DLG2: variants seen among roughly 807,000 people sequenced by gnomAD.
DLG2 encodes disks large homolog 2.
In DLG2, 45 loss-of-function variants were observed where a neutral mutation model predicts 132.5. The ratio of observed to expected loss-of-function variants is 0.34; its 90% confidence interval spans 0.27 to 0.44. The LOEUF is 0.44. Among genes scored for constraint, DLG2 ranks in the 20% least tolerant of loss-of-function variants. DLG2 has a pLI of 1.00. For missense variants in DLG2, 1,045 were observed against 1,196.9 expected (o/e 0.87, Z 1.87); for synonymous variants, 424 against 419.6 (o/e 1.01, Z -0.13).
At chr11:84,059,197 A>G (rs1462768638) in intron 11 of DLG2, 118 bp downstream of exon 11, 1 of 966,618 alleles carries the variant, frequency 1.0e-6, no homozygotes, top group African/African-American at 1.7e-5. Flanking sequence ...AGGATTTTAA[A>G]TCTCTTGGTA....
intron 4 of DLG2, among the ~76,000 whole-genome samples, chr11:85,271,343 A>C (rs1388707419): frequency 6.6e-6 from 1 of 152,254 alleles, no homozygotes; most frequent in Non-Finnish European, 1.5e-5. Context: ...CTGAATGCCC[A>C]GGCAAAAGTT....
At chr11:83,995,727 G>A (rs930753833) in intron 11 of DLG2, among the ~76,000 whole-genome samples, 1 of 152,132 alleles carries the variant, frequency 6.6e-6, no homozygotes, top group Admixed American at 6.6e-5. Context: ...CTGGTGAAAA[G>A]ACAGTCTCTT....
At chr11:83,543,036 T>A (rs1435396274) in intron 19 of DLG2, among the ~76,000 whole-genome samples, 1 of 152,144 alleles carries the variant, frequency 6.6e-6, no homozygotes, top group Non-Finnish European at 1.5e-5. Context: ...CAAAGAAATG[T>A]CACATCTGCT....
At position 85,499,419 on chromosome 11, in the gene DLG2, C is replaced by G. The variant is rs572086551; in HGVS notation, c.40+99238G>C. On this transcript the variant is annotated intron_variant, in intron 3 of 27. Transcript: ENST00000376104. ...GGAAGAAGTTTAATCTCTGAATAGA[C>G]CAATAATAGGTTCTGAAATTGAAAC... is the stretch of plus-strand genomic sequence containing the variant. Among the ~76,000 whole-genome samples the G allele has an allele frequency of 4.9e-4, 74 of 152,194 alleles. 2 individuals are homozygous for G. The highest frequency in any genetic ancestry group is 1.6e-3 in the African/African-American group (68 of 41,518).
chr11:83,850,122 A>AAG (rs1282687444), intron 16 of DLG2, among the ~76,000 whole-genome samples: 9 of 63,114 alleles, frequency 1.4e-4, no homozygotes, highest in African/African-American at 4.8e-4. Flanking sequence ...CATTTGGGGT[A>AAG]AGTGTGTGTG....
chr11:84,326,671 C>T (rs768725529), intron 7 of DLG2, among the ~76,000 whole-genome samples: 6 of 152,234 alleles, frequency 3.9e-5, no homozygotes, highest in Middle Eastern at 3.4e-3. Flanking sequence ...GTTCCATGTG[C>T]GCTTCAGAAT....
intron 6 of DLG2, among the ~76,000 whole-genome samples, chr11:84,611,412 T>C (rs1365171761): frequency 6.6e-6 from 1 of 152,056 alleles, no homozygotes; most frequent in African/African-American, 2.4e-5. Flanking sequence ...TATTGAACAA[T>C]ATGGTTAACA....
At chr11:84,592,913 C>T (rs1323982866) in intron 6 of DLG2, among the ~76,000 whole-genome samples, 8 of 111,326 alleles carry the variant, frequency 7.2e-5, no homozygotes, top group African/African-American at 1.1e-4. Flanking sequence ...CTGGCTAACA[C>T]GGTGAAACCC....
chr11:83,983,416 T>C (rs1223631276), intron 11 of DLG2, among the ~76,000 whole-genome samples: 1 of 152,024 alleles, frequency 6.6e-6, no homozygotes, highest in Non-Finnish European at 1.5e-5. Flanking sequence ...TGGCATTTTA[T>C]ACAACAATAA....
chr11:85,034,517 CAG>C (rs2061294539), intron 6 of DLG2, among the ~76,000 whole-genome samples: 1 of 152,090 alleles, frequency 6.6e-6, no homozygotes, highest in Admixed American at 6.5e-5. Context: ...CGTGAAGTAA[CAG>C]GAGAAATAAG....
At chr11:83,597,825 A>C (rs2153360326) in intron 19 of DLG2, among the ~76,000 whole-genome samples, 1 of 152,212 alleles carries the variant, frequency 6.6e-6, no homozygotes, top group South Asian at 2.1e-4. Flanking sequence ...AAACACAAAA[A>C]CCAAAACTGG....
chr11:85,578,713 C>T (rs1293665342), intron 3 of DLG2, among the ~76,000 whole-genome samples: 5 of 151,964 alleles, frequency 3.3e-5, no homozygotes, highest in African/African-American at 1.2e-4. Context: ...ATGGCAATTA[C>T]TACAAAGTGT....
intron 19 of DLG2, among the ~76,000 whole-genome samples, chr11:83,593,804 T>G (rs981952269): frequency 1.3e-5 from 2 of 150,484 alleles, no homozygotes; most frequent in African/African-American, 4.9e-5. Flanking sequence ...AAGGATAAAA[T>G]TATAATATTC....
At chr11:83,486,370 A>ATTTTCAT (rs2093506059) in intron 21 of DLG2, 1 of 569,346 alleles carries the variant, frequency 1.8e-6, no homozygotes, top group Non-Finnish European at 3.1e-6. Flanking sequence ...AAAATTACAC[A>ATTTTCAT]TTTTCATGCA....
At chr11:84,590,628 A>G (rs537646519) in intron 6 of DLG2, among the ~76,000 whole-genome samples, 17 of 152,244 alleles carry the variant, frequency 1.1e-4, no homozygotes, top group African/African-American at 4.1e-4. Context: ...TCCAAACACT[A>G]TGATTTAAGT....
intron 3 of DLG2, among the ~76,000 whole-genome samples, chr11:85,460,623 T>C (rs2092576500): frequency 6.6e-6 from 1 of 152,222 alleles, no homozygotes; most frequent in Non-Finnish European, 1.5e-5. Flanking sequence ...CTTTCTTCTC[T>C]CTGTGAGAGA....
At chr11:84,661,488 T>C (rs999425618) in intron 6 of DLG2, among the ~76,000 whole-genome samples, 14 of 152,180 alleles carry the variant, frequency 9.2e-5, no homozygotes, top group African/African-American at 3.4e-4. Flanking sequence ...ATTATAAATA[T>C]GATATGTTTG....
intron 3 of DLG2, among the ~76,000 whole-genome samples, chr11:85,434,489 G>A (rs941372385): frequency 1.3e-5 from 2 of 151,738 alleles, no homozygotes; most frequent in African/African-American, 4.8e-5. Flanking sequence ...TGATAAATGG[G>A]ATATCACCAC....
At chr11:85,310,479 C>A (rs1031847781) in intron 3 of DLG2, among the ~76,000 whole-genome samples, 7 of 152,140 alleles carry the variant, frequency 4.6e-5, no homozygotes, top group Non-Finnish European at 8.8e-5. Context: ...GAAGTCCCAA[C>A]AAGGGACTGT....
Sources: gnomAD v4.1 joint callset for allele counts (sites outside exome capture counted in the v4.1 genomes callset) on GRCh38, gnomAD v4.1.1 for gene constraint, MANE v1.5 for transcripts, NCBI Gene and HGNC (gene_info 2026-07-23, HGNC 2026-07-21) for gene names.